TSC2: variants seen among roughly 807,000 people sequenced by gnomAD.
The protein encoded by TSC2 is tuberin.
A neutral mutation model predicts 202.2 loss-of-function variants in TSC2; 29 were observed. The observed-to-expected ratio is 0.14, with a 90% confidence interval of 0.11 to 0.20. TSC2 has a LOEUF of 0.20. TSC2 is among the 10% of genes least tolerant of loss of function. The pLI, the probability that TSC2 is intolerant of heterozygous loss-of-function variation, is 1.00. For synonymous variants in TSC2, 1,349 were observed against 1,044.0 expected (o/e 1.29, Z -5.63); for missense variants, 2,429 against 2,420.0 (o/e 1.00, Z -0.08).
At chr16:2,051,497 G>A (rs545730248) in intron 3 of TSC2, among the ~76,000 whole-genome samples, 4 of 152,250 alleles carry the variant, frequency 2.6e-5, no homozygotes, top group Admixed American at 6.5e-5. Context: ...GGTATTGGGC[G>A]ACCTCACGGA....
intron 18 of TSC2, 45 bp downstream of exon 18, chr16:2,071,661 A>C (rs1315260580): frequency 6.2e-7 from 1 of 1,610,670 alleles, no homozygotes; most frequent in Admixed American, 1.7e-5. Flanking sequence ...AGGGCGTCAG[A>C]GGCGCTGGGG....
chr16:2,054,808 C>T (rs769701957), intron 5 of TSC2: 11 of 378,700 alleles, frequency 2.9e-5, no homozygotes, highest in Non-Finnish European at 4.5e-5. Context: ...ACTTTGTGGA[C>T]CTTCCTCCTG....
chr16:2,053,731 G>T, intron 4 of TSC2: 1 of 600,686 alleles, frequency 1.7e-6, no homozygotes, highest in African/African-American at 1.8e-5. Context: ...AGAGTGCTGA[G>T]ATCGTACCTG....
In TSC2 at chr16:2,080,023, G is replaced by A. The variant is rs2089928498; in HGVS notation, c.3398-142G>A. On this transcript the variant is annotated intron_variant, in intron 29 of 41. Transcript: ENST00000219476. ...TTCACTGAGGCCAGCACTGTGGTGG[G>A]CCGTGCCCCAAGGGCAGAGCTGCCA... is the stretch of plus-strand genomic sequence containing the variant. 6 of 1,151,966 alleles carry A rather than the reference G, an allele frequency of 5.2e-6. No homozygotes were observed. The Admixed American group carries it at 1.1e-4, about 20-fold the overall frequency. 71.4% of individuals were successfully genotyped at this position (1,151,966 alleles called of 1,614,324 possible). A position where few individuals can be genotyped will look rare whatever the true frequency, so the allele number is the denominator to read the frequency against.
At position 2,062,542 on chromosome 16, in the gene TSC2, C is replaced by T. The variant is rs760896048; in HGVS notation, c.1303C>T (p.His435Tyr). Residue 435 changes from histidine to tyrosine, a missense_variant, in exon 13 of 42, where the codon CAC becomes TAC. His to Tyr is a moderately conservative substitution (Grantham distance 83, BLOSUM62 2). Transcript: ENST00000219476. ...NLISYRAQSI[H>Y]PAKDGWIQNL... is the part of the protein sequence containing the mutation. ...GATCTCCTATAGAGCGCAGTCCATCCACCCGGCCAAGGACGGCTGGATTCA... is the reference window on the plus strand; with the variant it reads ...GATCTCCTATAGAGCGCAGTCCATCTACCCGGCCAAGGACGGCTGGATTCA... The T allele has an allele frequency of 7.4e-6, 12 of 1,612,500 alleles. No individual in the cohort carries two copies. The African/African-American group carries it at 1.3e-4, about 18-fold the overall frequency.
At chr16:2,075,914 T>C (rs2151382916) in intron 23 of TSC2, 22 bp downstream of exon 23, 2 of 1,612,954 alleles carry the variant, frequency 1.2e-6, no homozygotes, top group Non-Finnish European at 1.7e-6. Context: ...CCCCAGGCCC[T>C]GTGCCTCCCA....
Position 2,079,697 on chromosome 16 carries a change from A to C in TSC2, c.3397+28A>C. ...GAGCCTTGGCCCCAGCCACCTCCAC[A>C]CAGGCACCGGGGCTCCCTCAGTTGC... On this transcript the variant is annotated intron_variant, in intron 29 of 41. Coordinates refer to ENST00000219476, the MANE Select transcript of TSC2 (RefSeq NM_000548.5). This position sits in a 1 kb window ranked among gnomAD's most constrained non-coding sequence, Gnocchi z 4.6. The C allele has an allele frequency of 6.4e-7, 1 of 1,552,400 alleles. No individual in the cohort carries two copies.
intron 36 of TSC2, 53 bp downstream of exon 36, chr16:2,085,375 C>G (rs780196267): frequency 6.3e-7 from 1 of 1,590,704 alleles, no homozygotes; most frequent in Non-Finnish European, 8.6e-7. Context: ...TGGGCCTCAG[C>G]CTGCAGTGGG....
In TSC2 at chr16:2,056,102, G is replaced by A. The variant is rs531643473; in HGVS notation, c.600-94G>A. On this transcript the variant is annotated intron_variant, in intron 6 of 41. Coordinates refer to ENST00000219476, the MANE Select transcript of TSC2 (RefSeq NM_000548.5). Reference sequence around the variant, plus strand: ...GACCCCCAGGGAGGATGAGCCATGCGTGTTATTGACGTCATAGAGTGACTA... The same window carrying A: ...GACCCCCAGGGAGGATGAGCCATGCATGTTATTGACGTCATAGAGTGACTA... 284 of 1,534,010 alleles carry A rather than the reference G, an allele frequency of 1.9e-4. 3 individuals carry two copies. In the South Asian group the frequency reaches 2.6e-3, roughly 14 times the overall value.
At chr16:2,080,488 T>C in intron 30 of TSC2, 111 bp downstream of exon 30, 2 of 1,322,442 alleles carry the variant, frequency 1.5e-6, no homozygotes, top group East Asian at 5.0e-5. Context: ...GGGGGTAACT[T>C]TTGTTTTTTT....
At chr16:2,086,648 G>T in intron 37 of TSC2, 84 bp from the exon 38 acceptor site, 1 of 1,587,584 alleles carries the variant, frequency 6.3e-7, no homozygotes. Context: ...AGAGCCCCTG[G>T]AGTAATCAGG....
chr16:2,087,847 T>C lies in TSC2; in HGVS notation c.4990-16T>C. 6.2e-7 allele frequency: 1 copy of C among 1,612,260 alleles called. No individual in the cohort carries two copies. Among genetic ancestry groups the C allele is most frequent in the Non-Finnish European group, 8.5e-7 (1 of 1,179,804 alleles). On this transcript the variant is annotated splice_polypyrimidine_tract_variant and intron_variant, in intron 38 of 41. Transcript: ENST00000219476. ...CACGCTGTGTGCGGGGATGACCCTT[T>C]CTCTTGTCCGGGCAGGGCCAGTTCA... is the stretch of plus-strand genomic sequence containing the variant.
At chr16:2,080,020 T>C in intron 29 of TSC2, 145 bp from the exon 30 acceptor site, 5 of 1,125,994 alleles carry the variant, frequency 4.4e-6, no homozygotes, top group Non-Finnish European at 5.2e-6. Flanking sequence ...AGCACTGTGG[T>C]GGGCCGTGCC....
At chr16:2,077,255 C>G (rs1048467973) in intron 25 of TSC2, 2 of 371,072 alleles carry the variant, frequency 5.4e-6, no homozygotes, top group African/African-American at 2.1e-5. Flanking sequence ...TGCCTGCCTT[C>G]CGCGGGTGGG....
intron 3 of TSC2, among the ~76,000 whole-genome samples, chr16:2,052,357 C>T (rs972210652): frequency 1.3e-5 from 2 of 151,900 alleles, no homozygotes; most frequent in African/African-American, 2.4e-5. Context: ...TCACCCAGGC[C>T]GGGGTGCAGT....
intron 21 of TSC2, among the ~76,000 whole-genome samples, chr16:2,073,521 C>T (rs2088814437): frequency 2.6e-5 from 4 of 152,266 alleles, no homozygotes; most frequent in South Asian, 2.1e-4. Context: ...CCAGGAGATG[C>T]TGACTCTGAG....
At chr16:2,064,595 A>G (rs1405374477) in intron 15 of TSC2, 168 bp downstream of exon 15, 1 of 989,640 alleles carries the variant, frequency 1.0e-6, no homozygotes, top group Non-Finnish European at 1.5e-6. Flanking sequence ...AGGGCCTGCC[A>G]CTGCTGGATT....
At chr16:2,056,152 C>G in intron 6 of TSC2, 44 bp from the exon 7 acceptor site, 1 of 1,611,950 alleles carries the variant, frequency 6.2e-7, no homozygotes, top group Non-Finnish European at 8.5e-7. Context: ...GTGGCTCGGC[C>G]ATCCAGGCAG....
chr16:2,054,004 C>T (rs1331835061), intron 4 of TSC2: 8 of 504,310 alleles, frequency 1.6e-5, no homozygotes, highest in South Asian at 6.0e-5. Context: ...TGCCCTGCAC[C>T]GAGTGCAGGG....
Sources: gnomAD v4.1 joint callset for allele counts (sites outside exome capture counted in the v4.1 genomes callset) on GRCh38, gnomAD v4.1.1 for gene constraint, Gnocchi (gnomAD v3.1) non-coding constraint, MANE v1.5 for transcripts, NCBI Gene and HGNC (gene_info 2026-07-23, HGNC 2026-07-21) for gene names.